HIVEP1: variants seen among roughly 807,000 people sequenced by gnomAD.
HIVEP1 encodes HIVEP zinc finger 1.
Under a neutral mutation model 180.0 loss-of-function variants are expected in HIVEP1, and 36 were observed. The ratio of observed to expected loss-of-function variants is 0.20; its 90% confidence interval spans 0.15 to 0.26. The LOEUF (loss-of-function observed/expected upper bound fraction) is 0.26. Among genes scored for constraint, HIVEP1 ranks in the 10% least tolerant of loss-of-function variants. The pLI is 1.00. For synonymous variants in HIVEP1, 1,239 were observed against 1,239.0 expected, an observed-to-expected ratio of 1.00 and a Z score of 0.00; for missense variants, 3,143 against 3,268.7, an observed-to-expected ratio of 0.96 and a Z score of 0.94.
chr6:12,151,439 A>C lies in HIVEP1; in HGVS notation c.6488-10000A>C, dbSNP rs924959737. On this transcript the variant is annotated intron_variant, in intron 7 of 8. Transcript: ENST00000379388. ...AGTATTAGTGTGTATTATACACACCAAGAAAGGAACAATTGTAATAGAAAA... is the reference window on the plus strand; with the variant it reads ...AGTATTAGTGTGTATTATACACACCCAGAAAGGAACAATTGTAATAGAAAA... 2.0e-5 allele frequency among the ~76,000 whole-genome samples: 3 copies of C among 152,340 alleles called. No homozygotes were observed. In the East Asian group the frequency reaches 5.8e-4, roughly 29 times the overall value.
In HIVEP1 at chr6:12,124,407, A is replaced by G. The variant is rs1187588730; in HGVS notation, c.4612A>G (p.Ser1538Gly). Residue 1538 changes from serine (S) to glycine (G), a missense_variant, in exon 4 of 9, where the codon AGC (serine) becomes GGC (glycine). Physicochemically the swap from Ser to Gly is moderately conservative, Grantham distance 56. Around this residue, in one of 12 missense-constraint regions of HIVEP1, gnomAD observed 1,357 missense variants for 1,260.5 expected, o/e 1.08. Transcript: ENST00000379388. ...QLSLQVSTQG[S>G]KPDKNSVLSG... ...ATCTCTGCAAGTGTCTACGCAGGGTAGCAAGCCAGATAAAAATTCTGTTTT... is the reference window on the plus strand; with the variant it reads ...ATCTCTGCAAGTGTCTACGCAGGGTGGCAAGCCAGATAAAAATTCTGTTTT... 2 of 1,614,156 alleles carry G rather than the reference A, an allele frequency of 1.2e-6. No individual in the cohort carries two copies. Among genetic ancestry groups the G allele is most frequent in the African/African-American group, 1.3e-5 (1 of 75,052 alleles).
chr6:12,168,411 AT>A (rs199707525), downstream of HIVEP1, among the ~76,000 whole-genome samples: 2,284 of 141,568 alleles, frequency 0.016, 37 homozygotes, highest in Middle Eastern at 0.048. Context: ...TATATAATAT[AT>A]TTTAGTGGCA....
the HIVEP1 span, among the ~76,000 whole-genome samples, chr6:12,180,472 T>TTTAAATACTAAAAATTTTTAA: frequency 1.5e-4 from 23 of 152,366 alleles, no homozygotes; most frequent in South Asian, 4.8e-3. Flanking sequence ...TGTATCTGTT[T>TTTAAATACTAAAAATTTTTAA]ATACTAAGTA....
intron 2 of HIVEP1, among the ~76,000 whole-genome samples, chr6:12,073,438 G>A (rs189527246): frequency 8.7e-4 from 133 of 152,124 alleles, no homozygotes; most frequent in Non-Finnish European, 1.1e-3. Flanking sequence ...TGGGATTTCC[G>A]CTCACTGTAC....
chr6:12,031,031 G>GTT (rs147110626), intron 2 of HIVEP1, among the ~76,000 whole-genome samples: 7 of 151,766 alleles, frequency 4.6e-5, no homozygotes, highest in African/African-American at 1.2e-4. Context: ...TCGTTTGTTT[G>GTT]TTTTTTTTGT....
chr6:12,178,248 A>T, the HIVEP1 span, among the ~76,000 whole-genome samples: 1 of 152,222 alleles, frequency 6.6e-6, no homozygotes, highest in African/African-American at 2.4e-5. Context: ...ATTATTTTAC[A>T]AGTTGGTCGG....
chr6:12,133,440 C>G (rs1457462249), intron 6 of HIVEP1, among the ~76,000 whole-genome samples: 1 of 152,068 alleles, frequency 6.6e-6, no homozygotes, highest in Non-Finnish European at 1.5e-5. Context: ...TAAATTAACA[C>G]CAGGTTTATA....
At chr6:12,199,755 T>G in the HIVEP1 span, among the ~76,000 whole-genome samples, 76 of 152,344 alleles carry the variant, frequency 5.0e-4, no homozygotes, top group Middle Eastern at 0.02. Context: ...ATCTATATGT[T>G]GTACAAGTGG....
At chr6:12,150,560 G>A (rs901733566) in intron 7 of HIVEP1, among the ~76,000 whole-genome samples, 3 of 152,154 alleles carry the variant, frequency 2.0e-5, no homozygotes, top group Admixed American at 2.0e-4. Context: ...AATGAAACCT[G>A]TAGAATATAT....
intron 6 of HIVEP1, among the ~76,000 whole-genome samples, chr6:12,131,779 T>A (rs1008087424): frequency 8.8e-5 from 8 of 90,692 alleles, no homozygotes; most frequent in African/African-American, 1.7e-4. Flanking sequence ...GAGAAAACAG[T>A]AAAAAAAAAA....
At chr6:12,118,127 T>TGA (rs962678792) in intron 3 of HIVEP1, among the ~76,000 whole-genome samples, 1 of 104,338 alleles carries the variant, frequency 9.6e-6, no homozygotes, top group African/African-American at 3.2e-5. Flanking sequence ...ATTTTAGTTA[T>TGA]GAGACCCCCT....
intron 7 of HIVEP1, among the ~76,000 whole-genome samples, chr6:12,152,514 G>A (rs1411958116): frequency 6.6e-6 from 1 of 152,150 alleles, no homozygotes; most frequent in Admixed American, 6.5e-5. Context: ...TGGTGCCATG[G>A]ATGTTTAAAA....
chr6:12,131,779 T>TAAAAAAAAAAAAA (rs143910763), intron 6 of HIVEP1, among the ~76,000 whole-genome samples: 2 of 90,694 alleles, frequency 2.2e-5, no homozygotes, highest in African/African-American at 4.3e-5. Context: ...GAGAAAACAG[T>TAAAAAAAAAAAAA]AAAAAAAAAA....
chr6:12,154,034 G>A (rs1759868016), intron 7 of HIVEP1, among the ~76,000 whole-genome samples: 1 of 152,218 alleles, frequency 6.6e-6, no homozygotes, highest in African/African-American at 2.4e-5. Flanking sequence ...TGTGATCCCA[G>A]CTACTCAGGA....
intron 6 of HIVEP1, 73 bp from the exon 7 acceptor site, chr6:12,135,718 A>G (rs1346429968): frequency 1.1e-6 from 1 of 914,892 alleles, no homozygotes; most frequent in Non-Finnish European, 1.8e-6. Context: ...ATAGGAATGA[A>G]ATTTGCCAGT....
At chr6:12,011,346 C>T (rs986368530), upstream of HIVEP1, among the ~76,000 whole-genome samples, 2 of 142,762 alleles carry the variant, frequency 1.4e-5, no homozygotes, top group African/African-American at 5.2e-5. Flanking sequence ...ATGACGTCAG[C>T]GGCCGGCCCA....
chr6:12,124,522 A>G lies in HIVEP1; in HGVS notation c.4727A>G (p.Asn1576Ser). 6.2e-7 allele frequency: 1 copy of G among 1,614,134 alleles called. No individual in the cohort carries two copies. Among genetic ancestry groups the G allele is most frequent in the Non-Finnish European group, 8.5e-7 (1 of 1,180,024 alleles). Residue 1576 changes from asparagine (N) to serine (S), a missense_variant, in exon 4 of 9, where the codon AAT becomes AGT. By Grantham distance (46) the Asn-to-Ser change is conservative (BLOSUM62 1). Transcript: ENST00000379388. ...ACTTCAGGCCCATCTTGCTCTTCTAATCCTGTGCATTCTTTGCCAAATCAA... is the reference window on the plus strand; with the variant it reads ...ACTTCAGGCCCATCTTGCTCTTCTAGTCCTGTGCATTCTTTGCCAAATCAA... ...VFTSGPSCSS[N>S]PVHSLPNQVI...
chr6:12,018,812 A>G (rs941204279), intron 2 of HIVEP1, among the ~76,000 whole-genome samples: 1 of 152,222 alleles, frequency 6.6e-6, no homozygotes, highest in Non-Finnish European at 1.5e-5. Context: ...CTTCTAGAGC[A>G]TAAGAAGTTC....
intron 7 of HIVEP1, among the ~76,000 whole-genome samples, chr6:12,159,564 T>C (rs969177496): frequency 5.9e-5 from 9 of 152,168 alleles, no homozygotes; most frequent in African/African-American, 2.2e-4. Flanking sequence ...CCTTGTCTTT[T>C]ATAATCCTCG....
Sources: gnomAD v4.1 joint callset for allele counts (sites outside exome capture counted in the v4.1 genomes callset) on GRCh38, gnomAD v4.1.1 for gene constraint, gnomAD v4.1.1 regional missense constraint, MANE v1.5 for transcripts, NCBI Gene and HGNC (gene_info 2026-07-23, HGNC 2026-07-21) for gene names.